Variants in STAT4 observed in about 807,000 individuals in gnomAD.
The protein encoded by STAT4 is signal transducer and activator of transcription 4.
Under a neutral mutation model 110.5 loss-of-function variants are expected in STAT4, and 42 were observed. The ratio of observed to expected loss-of-function variants is 0.38; its 90% confidence interval spans 0.30 to 0.49. The LOEUF (loss-of-function observed/expected upper bound fraction) is 0.49. STAT4 is among the 20% of genes least tolerant of loss of function. The probability of loss-of-function intolerance (pLI) is 0.95; values close to 1 mark genes in which losing one functional copy is unlikely to be tolerated. For synonymous variants in STAT4, 284 were observed against 302.2 expected (o/e 0.94, Z 0.63); for missense variants, 632 against 887.9 (o/e 0.71, Z 3.66).
chr2:191,122,614 C>T (rs1310409891), intron 3 of STAT4, among the ~76,000 whole-genome samples: 1 of 152,092 alleles, frequency 6.6e-6, no homozygotes, highest in African/African-American at 2.4e-5. Context: ...AGTATCCACC[C>T]ACAGAAGAAT....
At chr2:191,120,123 T>A (rs1698678085) in intron 3 of STAT4, among the ~76,000 whole-genome samples, 4 of 152,048 alleles carry the variant, frequency 2.6e-5, no homozygotes, top group Admixed American at 6.6e-5. Flanking sequence ...AATGTTATGA[T>A]CTAAGGCAAG....
In STAT4 at chr2:191,143,044, A is replaced by G. The variant is rs925474466; in HGVS notation, c.273+3569T>C. On this transcript the variant is annotated intron_variant, in intron 3 of 23. Coordinates refer to ENST00000392320, the MANE Select transcript of STAT4 (RefSeq NM_003151.4). The surrounding 1 kb of genome is among the most constrained non-coding windows in gnomAD (Gnocchi z 5.6). ...CAAATGTATGCTACCAATGCAAGAC[A>G]TGAATAATAGGTGAAACTGGGATGT... is the stretch of plus-strand genomic sequence containing the variant. Among the ~76,000 whole-genome samples the G allele has an allele frequency of 1.2e-4, 19 of 152,190 alleles. No individual in the cohort carries two copies. Among genetic ancestry groups the G allele is most frequent in the African/African-American group, 4.3e-4 (18 of 41,460 alleles).
At chr2:191,105,365 A>G (rs1379486454) in intron 3 of STAT4, among the ~76,000 whole-genome samples, 1 of 152,216 alleles carries the variant, frequency 6.6e-6, no homozygotes, top group Non-Finnish European at 1.5e-5. Flanking sequence ...TGTTCTACCC[A>G]CACCAAATTC....
Position 191,034,379 on chromosome 2 carries a change from C to T in STAT4, c.1620+169G>A, listed in dbSNP as rs948932547. On this transcript the variant is annotated intron_variant, in intron 18 of 23. Coordinates refer to ENST00000392320, the MANE Select transcript of STAT4 (RefSeq NM_003151.4). ...CAGAGCTTGCAGTGAGCCGAGATTG[C>T]GCCACTGCACTCCAGCCTGGGTGAC... is the stretch of plus-strand genomic sequence containing the variant. Among the ~76,000 whole-genome samples the T allele has an allele frequency of 8.0e-5, 12 of 149,916 alleles. 1 individual carries two copies. The highest frequency in any genetic ancestry group is 5.9e-4 in the East Asian group (3 of 5,122).
intron 3 of STAT4, among the ~76,000 whole-genome samples, chr2:191,093,109 T>C (rs1203785564): frequency 6.6e-6 from 1 of 152,174 alleles, no homozygotes; most frequent in East Asian, 1.9e-4. Flanking sequence ...ACCCCATCTC[T>C]GGGGGCAGGG....
chr2:191,115,096 A>C (rs1698538267), intron 3 of STAT4, among the ~76,000 whole-genome samples: 1 of 152,176 alleles, frequency 6.6e-6, no homozygotes, highest in South Asian at 2.1e-4. Context: ...TCTGTTTTTC[A>C]ATTCTACCAA....
Position 191,033,354 on chromosome 2 carries a change from C to T in STAT4, c.1852+136G>A. On this transcript the variant is annotated intron_variant, in intron 20 of 23. Coordinates refer to ENST00000392320, the MANE Select transcript of STAT4 (RefSeq NM_003151.4). This position sits in a 1 kb window ranked among gnomAD's most constrained non-coding sequence, Gnocchi z 6.9. Reference sequence around the variant, plus strand: ...TCATAGGTACCCTGTTCTGAGACAACTGCAACTACTAATATTCAAGCCCAC... The same window carrying T: ...TCATAGGTACCCTGTTCTGAGACAATTGCAACTACTAATATTCAAGCCCAC... The T allele has an allele frequency of 1.3e-5, 15 of 1,192,464 alleles. No individual in the cohort carries two copies. The highest frequency in any genetic ancestry group is 2.6e-5 in the East Asian group (1 of 39,140). 73.9% of individuals were successfully genotyped at this position (1,192,464 alleles called of 1,614,324 possible).
rs1697800319 is a variant in STAT4 at position 191,091,687 on chromosome 2, G to T, written c.274-15362C>A. On this transcript the variant is annotated intron_variant, in intron 3 of 23. Coordinates refer to ENST00000392320, the MANE Select transcript of STAT4 (RefSeq NM_003151.4). The surrounding 1 kb of genome is among the most constrained non-coding windows in gnomAD (Gnocchi z 5.4). The stretch of plus-strand genomic sequence containing the variant: ...AAATCTGTCAGGGAATTTTCTAACT[G>T]CTCTGTTTAGTTTCATTTAATGAAC... 6.6e-6 allele frequency among the ~76,000 whole-genome samples: 1 copy of T among 152,134 alleles called. No individual in the cohort carries two copies. Among genetic ancestry groups the T allele is most frequent in the Non-Finnish European group, 1.5e-5 (1 of 68,032 alleles).
At position 191,098,472 on chromosome 2, in the gene STAT4, A is replaced by G. The variant is rs1271456650; in HGVS notation, c.274-22147T>C. Among the ~76,000 whole-genome samples the G allele has an allele frequency of 5.9e-5, 9 of 152,338 alleles. No individual in the cohort carries two copies. The South Asian group carries it at 1.0e-3, about 18-fold the overall frequency. On this transcript the variant is annotated intron_variant, in intron 3 of 23. Coordinates refer to ENST00000392320, the MANE Select transcript of STAT4 (RefSeq NM_003151.4). ...GTTCATGTCCTTTGCAGGGACATGGATGAAGCTGGAAACCCTCATTCTGAG... is the reference window on the plus strand; with the variant it reads ...GTTCATGTCCTTTGCAGGGACATGGGTGAAGCTGGAAACCCTCATTCTGAG...
intron 3 of STAT4, among the ~76,000 whole-genome samples, chr2:191,115,613 T>C (rs1698549921): frequency 6.6e-6 from 1 of 152,236 alleles, no homozygotes; most frequent in South Asian, 2.1e-4. Context: ...GCCATTTCCG[T>C]TGTGTCTCAT....
In STAT4 at chr2:191,062,985, A is replaced by T; in HGVS notation, c.783-65T>A. ...CTTAATAATAAAAAAGCATTGTAAC[A>T]ATGGGTCATAGTTAATAAACATTAA... On this transcript the variant is annotated intron_variant, in intron 8 of 23. Transcript: ENST00000392320. This position sits in a 1 kb window ranked among gnomAD's most constrained non-coding sequence, Gnocchi z 4.9. 1 of 1,382,246 alleles carries T rather than the reference A, an allele frequency of 7.2e-7. No homozygotes were observed. Among genetic ancestry groups the T allele is most frequent in the Non-Finnish European group, 9.9e-7 (1 of 1,005,436 alleles). 85.6% of individuals were successfully genotyped at this position (1,382,246 alleles called of 1,614,324 possible). A position where few individuals can be genotyped will look rare whatever the true frequency, so the allele number is the denominator to read the frequency against.
At chr2:191,089,469 T>C (rs75763965) in intron 3 of STAT4, among the ~76,000 whole-genome samples, 2 of 152,112 alleles carry the variant, frequency 1.3e-5, no homozygotes, top group East Asian at 1.9e-4. Context: ...GAGTGAAAAA[T>C]AATACAGCCA....
rs10153748 is a variant in STAT4 at position 191,043,135 on chromosome 2, T to C, written c.1252-1987A>G. Among the ~76,000 whole-genome samples the C allele has an allele frequency of 0.04, 6,070 of 152,278 alleles. 397 individuals are homozygous for C. Among genetic ancestry groups the C allele is most frequent in the African/African-American group, 0.14 (5,793 of 41,540 alleles). On this transcript the variant is annotated intron_variant, in intron 14 of 23. Coordinates refer to ENST00000392320, the MANE Select transcript of STAT4 (RefSeq NM_003151.4). The surrounding 1 kb of genome is among the most constrained non-coding windows in gnomAD (Gnocchi z 4.8). ...GCACATTAAAACACTTTTTAAAAACTATATAAAACAAAGATTACATCAGTG... is the reference window on the plus strand; with the variant it reads ...GCACATTAAAACACTTTTTAAAAACCATATAAAACAAAGATTACATCAGTG...
chr2:191,079,352 C>T (rs1697401361), intron 3 of STAT4, among the ~76,000 whole-genome samples: 1 of 149,466 alleles, frequency 6.7e-6, no homozygotes. Flanking sequence ...TTATTTATGT[C>T]TTCTTTAATG....
chr2:191,098,844 A>G (rs1698079254), intron 3 of STAT4, among the ~76,000 whole-genome samples: 2 of 152,164 alleles, frequency 1.3e-5, no homozygotes, highest in African/African-American at 4.8e-5. Flanking sequence ...GAATCCCTAG[A>G]AACTATACAA....
At chr2:191,049,159 G>GGTT (rs1247331126) in intron 14 of STAT4, among the ~76,000 whole-genome samples, 1 of 148,478 alleles carries the variant, frequency 6.7e-6, no homozygotes, top group Non-Finnish European at 1.5e-5. Flanking sequence ...ATTAACAAAT[G>GGTT]GTAATAGCTT....
In STAT4 at chr2:191,058,120, G is replaced by T. The variant is rs1390684704; in HGVS notation, c.1113-9C>A. On this transcript the variant is annotated splice_polypyrimidine_tract_variant and intron_variant, in intron 12 of 23. Coordinates refer to ENST00000392320, the MANE Select transcript of STAT4 (RefSeq NM_003151.4). The surrounding 1 kb of genome is among the most constrained non-coding windows in gnomAD (Gnocchi z 4.3). ...GTACAAATCTTCGGTTGCTGGAGAG[G>T]AAATCTTAGCTATTTACATGGTCTC... 1 of 1,613,482 alleles carries T rather than the reference G, an allele frequency of 6.2e-7. No individual in the cohort carries two copies. The highest frequency in any genetic ancestry group is 1.1e-5 in the South Asian group (1 of 91,064).
intron 3 of STAT4, among the ~76,000 whole-genome samples, chr2:191,137,196 A>T (rs1301271121): frequency 6.6e-6 from 1 of 152,014 alleles, no homozygotes; most frequent in Admixed American, 6.5e-5. Context: ...TACAAACATT[A>T]GCCAGGCATG....
intron 3 of STAT4, among the ~76,000 whole-genome samples, chr2:191,080,871 C>T (rs1354337714): frequency 1.3e-5 from 2 of 151,838 alleles, no homozygotes; most frequent in African/African-American, 4.8e-5. Context: ...TTTTGTTATA[C>T]TTTAAGTTCT....
Sources: allele counts gnomAD v4.1 joint callset (sites outside exome capture counted in the v4.1 genomes callset), GRCh38; gene constraint gnomAD v4.1.1; non-coding constraint Gnocchi (gnomAD v3.1); transcripts MANE v1.5; gene names NCBI Gene and HGNC (gene_info 2026-07-23, HGNC 2026-07-21).